Variants in CACNA1E observed in about 807,000 individuals in gnomAD.
The protein encoded by CACNA1E is calcium voltage-gated channel subunit alpha1 E, also known as voltage-dependent R-type calcium channel subunit alpha-1E.
A neutral mutation model predicts 259.2 loss-of-function variants in CACNA1E; 40 were observed. The observed-to-expected ratio is 0.15, with a 90% CI of 0.12 to 0.20. The LOEUF is 0.20. Among genes scored for constraint, CACNA1E ranks in the 10% least tolerant of loss-of-function variants. The pLI is 1.00. For missense variants in CACNA1E, 1,874 were observed against 3,040.1 expected (o/e 0.62, Z 9.02); for synonymous variants, 1,104 against 1,138.5 (o/e 0.97, Z 0.61).
intron 29 of CACNA1E, 22 bp downstream of exon 29, chr1:181,756,115 C>G: frequency 6.3e-7 from 1 of 1,597,312 alleles, no homozygotes; most frequent in Non-Finnish European, 8.6e-7. Flanking sequence ...AGTTGTCATG[C>G]TTGTCTGTGG....
chr1:181,637,432 TTCCCTCCCTCCC>T (rs71121096), intron 6 of CACNA1E, among the ~76,000 whole-genome samples: 6 of 127,752 alleles, frequency 4.7e-5, no homozygotes, highest in East Asian at 2.3e-4. Flanking sequence ...CCTTCCCTCC[TTCCCTCCCTCCC>T]TCCCTCCCTC....
At chr1:181,509,174 T>C (rs1665966521) in intron 1 of CACNA1E, among the ~76,000 whole-genome samples, 1 of 152,138 alleles carries the variant, frequency 6.6e-6, no homozygotes, top group Non-Finnish European at 1.5e-5. Context: ...CTGCAGCCCC[T>C]GATGCCAGCA....
intron 1 of CACNA1E, among the ~76,000 whole-genome samples, chr1:181,344,117 G>C (rs1016637291): frequency 2.0e-5 from 3 of 152,134 alleles, no homozygotes; most frequent in African/African-American, 7.2e-5. Context: ...TCTCCTGTTA[G>C]CTAGCAGTCA....
intron 1 of CACNA1E, among the ~76,000 whole-genome samples, chr1:181,373,771 C>T (rs1287658944): frequency 2.6e-5 from 4 of 152,060 alleles, no homozygotes; most frequent in Admixed American, 6.6e-5. Context: ...GTGATCCGCC[C>T]GCCTTGGCCT....
chr1:181,717,538 C>A (rs1276935376), intron 11 of CACNA1E, among the ~76,000 whole-genome samples: 1 of 152,138 alleles, frequency 6.6e-6, no homozygotes, highest in African/African-American at 2.4e-5. Context: ...TAACGTTATA[C>A]CTTTGGGTAC....
At chr1:181,612,501 A>T (rs1186215484) in intron 6 of CACNA1E, among the ~76,000 whole-genome samples, 1 of 152,144 alleles carries the variant, frequency 6.6e-6, no homozygotes, top group African/African-American at 2.4e-5. Flanking sequence ...TTTGTGAGCA[A>T]CTGACATTGA....
At chr1:181,589,122 G>T (rs768958324) in intron 6 of CACNA1E, among the ~76,000 whole-genome samples, 67 of 152,334 alleles carry the variant, frequency 4.4e-4, no homozygotes, top group Middle Eastern at 6.8e-3. Context: ...CCCAGATCTG[G>T]TGGGCCAGCA....
chr1:181,396,013 G>A (rs1454758357), intron 1 of CACNA1E, among the ~76,000 whole-genome samples: 5 of 152,156 alleles, frequency 3.3e-5, no homozygotes, highest in Admixed American at 6.5e-5. Context: ...GATCTCTTGC[G>A]GGTTGAAATT....
intron 43 of CACNA1E, among the ~76,000 whole-genome samples, chr1:181,789,559 C>G (rs966195624): frequency 6.6e-6 from 1 of 152,074 alleles, no homozygotes; most frequent in African/African-American, 2.4e-5. Context: ...CTCCCATAAT[C>G]TGGAAGCTCA....
At chr1:181,391,945 C>CTCTGTG (rs1477039835) in intron 1 of CACNA1E, among the ~76,000 whole-genome samples, 3 of 118,262 alleles carry the variant, frequency 2.5e-5, no homozygotes, top group Non-Finnish European at 5.2e-5. Context: ...CTCTCTCTCT[C>CTCTGTG]TGTGTGTGTG....
At chr1:181,539,208 C>A (rs1361784761) in intron 3 of CACNA1E, among the ~76,000 whole-genome samples, 1 of 152,188 alleles carries the variant, frequency 6.6e-6, no homozygotes, top group East Asian at 1.9e-4. Flanking sequence ...GTTGACTAGG[C>A]TCACCCTAAA....
At chr1:181,614,194 A>ATTTTCTTTTC (rs112368754) in intron 6 of CACNA1E, among the ~76,000 whole-genome samples, 86 of 151,962 alleles carry the variant, frequency 5.7e-4, no homozygotes, top group African/African-American at 2.0e-3. Context: ...CTACTTCGCA[A>ATTTTCTTTTC]TTTTCTTTTC....
At chr1:181,552,868 G>A (rs187109597) in intron 3 of CACNA1E, among the ~76,000 whole-genome samples, 1 of 151,986 alleles carries the variant, frequency 6.6e-6, no homozygotes, top group East Asian at 1.9e-4. Context: ...TATCTGTTTC[G>A]ATACCCAGTA....
At chr1:181,469,258 G>A (rs1255547471) in intron 2 of CACNA1E, among the ~76,000 whole-genome samples, 2 of 152,094 alleles carry the variant, frequency 1.3e-5, no homozygotes, top group Non-Finnish European at 2.9e-5. Context: ...GAGGGGTGGT[G>A]GTGCAAATGG....
At chr1:181,404,241 T>C (rs752081523) in intron 1 of CACNA1E, among the ~76,000 whole-genome samples, 8 of 152,104 alleles carry the variant, frequency 5.3e-5, no homozygotes, top group Non-Finnish European at 7.4e-5. Flanking sequence ...CCTACTACAG[T>C]TTTCCTTTTT....
At position 181,758,641 on chromosome 1, in the gene CACNA1E, C is replaced by T; in HGVS notation, c.4495-117C>T. ...CTCGAAGTCCATCTCTCCTCCTGTA[C>T]CACACACCAGAGTGTCCCACAGGGC... On this transcript the variant is annotated intron_variant, in intron 31 of 47. Coordinates refer to ENST00000367573, the MANE Select transcript of CACNA1E (RefSeq NM_001205293.3). The surrounding 1 kb of genome is among the most constrained non-coding windows in gnomAD (Gnocchi z 4.2). The T allele has an allele frequency of 1.6e-6, 1 of 623,728 alleles. No homozygotes were observed. The highest frequency in any genetic ancestry group is 2.1e-5 in the South Asian group (1 of 48,708). 38.6% of individuals were successfully genotyped at this position (623,728 alleles called of 1,614,324 possible).
At chr1:181,567,183 A>G (rs1281410069) in intron 3 of CACNA1E, among the ~76,000 whole-genome samples, 1 of 152,144 alleles carries the variant, frequency 6.6e-6, no homozygotes, top group African/African-American at 2.4e-5. Flanking sequence ...TTTTTCTGAA[A>G]TTTAATTATG....
intron 16 of CACNA1E, 26 bp downstream of exon 16, chr1:181,721,901 C>T: frequency 7.1e-7 from 1 of 1,403,234 alleles, no homozygotes. Context: ...TGCACCTCCT[C>T]AAGCTGCCTG....
chr1:181,418,650 T>C (rs950757145), intron 2 of CACNA1E, among the ~76,000 whole-genome samples: 9 of 152,176 alleles, frequency 5.9e-5, no homozygotes, highest in African/African-American at 2.2e-4. Flanking sequence ...GCTTCTCTTG[T>C]AGTTTTCTCT....
Sources: gnomAD v4.1 joint callset for allele counts (sites outside exome capture counted in the v4.1 genomes callset) on GRCh38, gnomAD v4.1.1 for gene constraint, Gnocchi (gnomAD v3.1) non-coding constraint, MANE v1.5 for transcripts, NCBI Gene and HGNC (gene_info 2026-07-23, HGNC 2026-07-21) for gene names.